SGCG: variants seen among roughly 807,000 people sequenced by gnomAD.
The protein encoded by SGCG is gamma-sarcoglycan.
A neutral mutation model predicts 29.3 loss-of-function variants in SGCG; 26 were observed. That is an observed-to-expected ratio of 0.89 (90% CI 0.65 to 1.23). The LOEUF is 1.23. Among genes scored for constraint, SGCG ranks in the 50% most tolerant of loss-of-function variants. The probability of loss-of-function intolerance (pLI) is 0.00; values close to 1 mark genes in which losing one functional copy is unlikely to be tolerated. For synonymous variants in SGCG, 145 were observed against 129.7 expected (o/e 1.12, Z -0.80); for missense variants, 353 against 356.0 (o/e 0.99, Z 0.07).
At chr13:23,198,891 G>A (rs1249711128) in intron 1 of SGCG, among the ~76,000 whole-genome samples, 3 of 148,328 alleles carry the variant, frequency 2.0e-5, no homozygotes, top group Non-Finnish European at 3.0e-5. Flanking sequence ...GGCGGATCAC[G>A]AGGTCAGGAG....
chr13:23,165,658 A>G, the SGCG span, among the ~76,000 whole-genome samples: 1 of 151,718 alleles, frequency 6.6e-6, no homozygotes, highest in African/African-American at 2.4e-5. Context: ...CTGAGTAGGT[A>G]GGATTACAGG....
chr13:23,311,144 C>G (rs10162179), intron 6 of SGCG, among the ~76,000 whole-genome samples: 29,103 of 152,192 alleles, frequency 0.19, 3,355 homozygotes, highest in East Asian at 0.37. Flanking sequence ...AGATTTCTAT[C>G]TAGGCTGACA....
intron 2 of SGCG, among the ~76,000 whole-genome samples, chr13:23,214,009 A>G (rs1394105921): frequency 1.3e-5 from 2 of 152,226 alleles, no homozygotes; most frequent in East Asian, 3.9e-4. Context: ...TTCCATAGAT[A>G]GTTTTTTGGA....
intron 2 of SGCG, among the ~76,000 whole-genome samples, chr13:23,217,088 A>G (rs1230412638): frequency 6.6e-6 from 1 of 152,096 alleles, no homozygotes; most frequent in Non-Finnish European, 1.5e-5. Context: ...ACTCTTTACA[A>G]TGTCTCCTTT....
At chr13:23,218,758 T>C (rs183645971) in intron 2 of SGCG, among the ~76,000 whole-genome samples, 6 of 151,956 alleles carry the variant, frequency 3.9e-5, no homozygotes, top group African/African-American at 9.7e-5. Context: ...TTAATACAAA[T>C]AGACCAAGGC....
chr13:23,258,385 G>T (rs1880284320), intron 4 of SGCG, among the ~76,000 whole-genome samples: 1 of 151,598 alleles, frequency 6.6e-6, no homozygotes, highest in African/African-American at 2.4e-5. Context: ...CGTGATTTTG[G>T]CACATTGATT....
At chr13:23,165,253 C>T in the SGCG span, among the ~76,000 whole-genome samples, 1 of 152,052 alleles carries the variant, frequency 6.6e-6, no homozygotes, top group Non-Finnish European at 1.5e-5. Flanking sequence ...AATGTTAAAA[C>T]ATTTGGGTAA....
chr13:23,277,156 C>T (rs1027162143), intron 4 of SGCG, among the ~76,000 whole-genome samples: 1 of 152,038 alleles, frequency 6.6e-6, no homozygotes, highest in Non-Finnish European at 1.5e-5. Flanking sequence ...ACAGTTCAAC[C>T]CCTTATACTT....
chr13:23,229,158 C>T (rs1879013432), intron 2 of SGCG, among the ~76,000 whole-genome samples: 1 of 152,172 alleles, frequency 6.6e-6, no homozygotes, highest in South Asian at 2.1e-4. Flanking sequence ...GAACTGTAAT[C>T]CCAGTGTGAG....
the SGCG span, among the ~76,000 whole-genome samples, chr13:23,168,514 C>T: frequency 0.029 from 4,429 of 152,264 alleles, 97 homozygotes; most frequent in Non-Finnish European, 0.042. Context: ...GCAGGGTGCT[C>T]GTGCCTTTGC....
chr13:23,183,156 G>C (rs1876811645), intron 1 of SGCG, among the ~76,000 whole-genome samples: 1 of 152,152 alleles, frequency 6.6e-6, no homozygotes. Context: ...TGTAAGGTGA[G>C]AGGAGTTGCA....
Position 23,252,197 on chromosome 13 carries a change from C to T in SGCG, c.385+1480C>T, listed in dbSNP as rs563859620. ...TATACAGTATTATCATTTATCTTTA[C>T]CATCATTTCTTGAAAATCTTCAACT... On this transcript the variant is annotated intron_variant, in intron 4 of 7. Transcript: ENST00000218867. 5.3e-5 allele frequency among the ~76,000 whole-genome samples: 8 copies of T among 152,156 alleles called. No homozygotes were observed. In the South Asian group the frequency reaches 1.7e-3, roughly 32 times the overall value.
chr13:23,175,635 C>T, the SGCG span, among the ~76,000 whole-genome samples: 55 of 152,158 alleles, frequency 3.6e-4, no homozygotes, highest in East Asian at 0.01. Context: ...CTTTCTTACA[C>T]CTAATTTCTC....
Position 23,324,394 on chromosome 13 carries a change from C to T in SGCG, c.729C>T (p.Cys243=). Residue 243 remains cysteine, a synonymous_variant, in exon 8 of 8, where the codon TGC becomes TGT. Transcript: ENST00000218867. The part of the protein sequence containing the change: ...GMLVLDAETV[C]LPKLVQGTWG... ...TTGTGCTTGATGCTGAAACTGTGTG[C>T]TTACCCAAGCTGGTGCAGGGGACGT... is the stretch of plus-strand genomic sequence containing the variant. The T allele has an allele frequency of 6.2e-7, 1 of 1,614,192 alleles. No individual in the cohort carries two copies. Among genetic ancestry groups the T allele is most frequent in the Non-Finnish European group, 8.5e-7 (1 of 1,180,044 alleles).
intron 6 of SGCG, among the ~76,000 whole-genome samples, chr13:23,319,981 C>T (rs961328413): frequency 6.6e-6 from 1 of 152,170 alleles, no homozygotes; most frequent in Non-Finnish European, 1.5e-5. Context: ...TCCCTCCTTT[C>T]GGTTCTATCA....
intron 7 of SGCG, among the ~76,000 whole-genome samples, chr13:23,322,388 T>C (rs1883068516): frequency 6.6e-6 from 1 of 152,192 alleles, no homozygotes; most frequent in African/African-American, 2.4e-5. Context: ...ATGCAGGTTA[T>C]ACAGCATTTT....
intron 6 of SGCG, among the ~76,000 whole-genome samples, chr13:23,299,458 T>A (rs866962607): frequency 4.5e-4 from 26 of 57,262 alleles, no homozygotes; most frequent in African/African-American, 1.4e-3. Flanking sequence ...ATATATATAT[T>A]TTTTTTTTTT....
At chr13:23,244,149 A>C (rs1450771688) in intron 3 of SGCG, 1 of 152,238 alleles carries the variant, frequency 6.6e-6, no homozygotes, top group Non-Finnish European at 1.5e-5. Flanking sequence ...AAAATTGTGT[A>C]TATAAAAACA....
the SGCG span, among the ~76,000 whole-genome samples, chr13:23,167,877 G>A: frequency 3.4e-4 from 52 of 152,018 alleles, no homozygotes; most frequent in South Asian, 4.8e-3. Flanking sequence ...GATTACAGGC[G>A]CGTGCCATCA....
Sources: allele counts gnomAD v4.1 joint callset (sites outside exome capture counted in the v4.1 genomes callset), GRCh38; gene constraint gnomAD v4.1.1; transcripts MANE v1.5; gene names NCBI Gene and HGNC (gene_info 2026-07-23, HGNC 2026-07-21).